The following ANO1 variants were observed in gnomAD, a reference collection of about 807,000 sequenced individuals.
ANO1 encodes anoctamin 1.
A neutral mutation model predicts 124.0 loss-of-function variants in ANO1; 59 were observed. The ratio of observed to expected loss-of-function variants is 0.48; its 90% CI spans 0.39 to 0.59. The LOEUF is 0.59. Among genes scored for constraint, ANO1 ranks in the 20% least tolerant of loss-of-function variants. The probability of loss-of-function intolerance (pLI) is 0.00; values close to 1 mark genes in which losing one functional copy is unlikely to be tolerated. For synonymous variants in ANO1, 529 were observed against 532.0 expected, an observed-to-expected ratio of 0.99 and a Z score of 0.08; for missense variants, 1,059 against 1,328.0, an observed-to-expected ratio of 0.80 and a Z score of 3.15.
chr11:70,131,337 G>A (rs927892144), intron 10 of ANO1, among the ~76,000 whole-genome samples: 3 of 146,628 alleles, frequency 2.0e-5, no homozygotes, highest in Admixed American at 6.9e-5. Flanking sequence ...GTGTGTGCGC[G>A]TCTGTGTTGA....
In ANO1 at chr11:70,124,383, T is replaced by C. The variant is rs768239240; in HGVS notation, c.931T>C (p.Phe311Leu). Residue 311 changes from phenylalanine to leucine, a missense_variant, in exon 9 of 26, where the codon TTC becomes CTC. This residue lies in a region of ANO1 where 809 missense variants were observed against 1,094.9 expected (regional missense o/e 0.74). Transcript: ENST00000355303. ...CGAAGAGTGGGCACGCTATGGAGTT[T>C]TCTATAAGTACCAGCCCATCGACCT... ...LYEEWARYGVFYKYQPIDLVR... is the reference protein window; with the variant it reads ...LYEEWARYGVLYKYQPIDLVR... 1 of 1,613,854 alleles carries C rather than the reference T, an allele frequency of 6.2e-7. No homozygotes were observed. The highest frequency in any genetic ancestry group is 1.1e-5 in the South Asian group (1 of 91,080).
intron 6 of ANO1, among the ~76,000 whole-genome samples, chr11:70,110,158 C>T (rs1449328166): frequency 6.6e-6 from 1 of 150,394 alleles, no homozygotes; most frequent in African/African-American, 2.4e-5. Flanking sequence ...GGCCAGCGAG[C>T]CTGGCTGAGG....
chr11:70,100,148 T>A (rs1022316452), intron 2 of ANO1, among the ~76,000 whole-genome samples: 3 of 152,094 alleles, frequency 2.0e-5, no homozygotes, highest in African/African-American at 7.2e-5. Flanking sequence ...CGCTCCTGGG[T>A]CCGTGCTCCT....
Position 70,065,320 on chromosome 11 carries a change from A to G in ANO1, c.59-13222A>G, listed in dbSNP as rs181687606. Reference sequence around the variant, plus strand: ...GTCTCCTGGATTCAACCATCATTAGAGGAGGCTTTGCATATTGCCGGGGTT... The same window carrying G: ...GTCTCCTGGATTCAACCATCATTAGGGGAGGCTTTGCATATTGCCGGGGTT... On this transcript the variant is annotated intron_variant, in intron 1 of 27. Coordinates refer to the ANO1 transcript ENST00000531349. 2.1e-3 allele frequency: 322 copies of G among 152,358 alleles called. 1 individual carries two copies. Among genetic ancestry groups the G allele is most frequent in the Non-Finnish European group, 3.1e-3 (213 of 68,070 alleles). 9.4% of individuals were successfully genotyped at this position (152,358 alleles called of 1,614,324 possible).
chr11:70,024,212 C>G (rs116617466), intron 1 of ANO1, among the ~76,000 whole-genome samples: 1 of 152,168 alleles, frequency 6.6e-6, no homozygotes, highest in African/African-American at 2.4e-5. Context: ...CTATCTCTGA[C>G]GGTCCTGCCT....
chr11:70,066,982 G>C (rs1165408953), intron 1 of ANO1, among the ~76,000 whole-genome samples: 1 of 152,200 alleles, frequency 6.6e-6, no homozygotes, highest in African/African-American at 2.4e-5. Context: ...AGGCCAGTCT[G>C]TCCGGGGTGT....
At chr11:70,134,773 G>C (rs1024284638) in intron 11 of ANO1, among the ~76,000 whole-genome samples, 2 of 152,286 alleles carry the variant, frequency 1.3e-5, no homozygotes, top group African/African-American at 4.8e-5. Flanking sequence ...GGCCCCAGGG[G>C]AACCAAGGGA....
Position 70,188,058 on chromosome 11 carries a change from T to A in ANO1, c.*54T>A, listed in dbSNP as rs2049210878. On this transcript the variant is annotated 3_prime_UTR_variant, in exon 26 of 26. Coordinates refer to ENST00000355303, the MANE Select transcript of ANO1 (RefSeq NM_018043.7). The stretch of plus-strand genomic sequence containing the variant: ...CGGGCATCCTGACCGATGGGCACCC[T>A]CTCCCAGGGCAGGCGGCTTCCCGCT... 1 of 1,520,034 alleles carries A rather than the reference T, an allele frequency of 6.6e-7. No individual in the cohort carries two copies. The highest frequency in any genetic ancestry group is 2.0e-5 in the Admixed American group (1 of 49,624). The allele number at this position is 1,520,034 out of a possible 1,614,324, so 94.2% of individuals were successfully genotyped here. A position where few individuals can be genotyped will look rare whatever the true frequency, so the allele number is the denominator to read the frequency against.
At chr11:70,103,900 G>T in intron 3 of ANO1, 99 bp from the exon 4 acceptor site, 1 of 1,346,154 alleles carries the variant, frequency 7.4e-7, no homozygotes, top group African/African-American at 1.5e-5. Flanking sequence ...ACGCCCCGTT[G>T]CATGGGGTGG....
chr11:70,144,080 G>A (rs2047257575), intron 11 of ANO1, among the ~76,000 whole-genome samples: 2 of 151,870 alleles, frequency 1.3e-5, no homozygotes, highest in East Asian at 1.9e-4. Flanking sequence ...GGGGGGCTGG[G>A]CTCCTCCACT....
the ANO1 span, among the ~76,000 whole-genome samples, chr11:69,966,370 C>T: frequency 2.0e-5 from 3 of 152,228 alleles, no homozygotes; most frequent in Non-Finnish European, 4.4e-5. Flanking sequence ...ATGATTAACC[C>T]ACACCTGCCA....
At chr11:70,178,111 T>C (rs1378717290) in intron 22 of ANO1, among the ~76,000 whole-genome samples, 1 of 152,168 alleles carries the variant, frequency 6.6e-6, no homozygotes, top group Admixed American at 6.6e-5. Context: ...CCACCTTATG[T>C]GCCAGACACC....
chr11:70,057,753 A>G (rs34687342), intron 1 of ANO1, among the ~76,000 whole-genome samples: 13,570 of 152,014 alleles, frequency 0.089, 749 homozygotes, highest in African/African-American at 0.15. Flanking sequence ...TAAGGCAGGA[A>G]CTGCCTATTT....
the ANO1 span, among the ~76,000 whole-genome samples, chr11:69,966,018 T>C: frequency 6.6e-6 from 1 of 151,824 alleles, no homozygotes; most frequent in East Asian, 1.9e-4. Context: ...CGCTGCTTCA[T>C]GAGATGGAGA....
chr11:69,984,253 C>T (rs1312188095), upstream of ANO1, among the ~76,000 whole-genome samples: 2 of 152,204 alleles, frequency 1.3e-5, no homozygotes, highest in Non-Finnish European at 2.9e-5. Flanking sequence ...TGATTTCCAT[C>T]CATCCTCTTT....
intron 11 of ANO1, among the ~76,000 whole-genome samples, chr11:70,141,098 C>A (rs2047137750): frequency 1.3e-5 from 2 of 152,190 alleles, no homozygotes; most frequent in African/African-American, 4.8e-5. Context: ...TCAGCACGTG[C>A]CCTGGTCCCA....
chr11:70,158,008 TTA>T (rs2047888383), intron 16 of ANO1, among the ~76,000 whole-genome samples: 1 of 151,418 alleles, frequency 6.6e-6, no homozygotes, highest in Non-Finnish European at 1.5e-5. Flanking sequence ...AAAAACCTGT[TTA>T]TGTTTATTTT....
chr11:70,044,458 A>G (rs1857228114), intron 1 of ANO1, among the ~76,000 whole-genome samples: 2 of 152,192 alleles, frequency 1.3e-5, no homozygotes, highest in African/African-American at 4.8e-5. Flanking sequence ...ACCATGGGCC[A>G]GGTATAGAAC....
intron 19 of ANO1, chr11:70,165,233 C>T (rs1199144987): frequency 1.9e-6 from 1 of 538,234 alleles, no homozygotes; most frequent in Non-Finnish European, 3.4e-6. Context: ...GACATCAGTC[C>T]TCAGATGGGC....
Sources: gnomAD v4.1 joint callset for allele counts (sites outside exome capture counted in the v4.1 genomes callset) on GRCh38, gnomAD v4.1.1 for gene constraint, gnomAD v4.1.1 regional missense constraint, MANE v1.5 for transcripts, NCBI Gene and HGNC (gene_info 2026-07-23, HGNC 2026-07-21) for gene names.